Variants in GFOD1 observed in about 807,000 individuals in gnomAD.
GFOD1 encodes Gfo/Idh/MocA-like oxidoreductase domain containing 1, also known as glucose-fructose oxidoreductase domain-containing protein 1.
Under a neutral mutation model 25.4 loss-of-function variants are expected in GFOD1, and 9 were observed. That is an observed-to-expected ratio of 0.35 (90% confidence interval 0.21 to 0.62). GFOD1 has a LOEUF of 0.62. Among genes scored for constraint, GFOD1 ranks in the 20% least tolerant of loss-of-function variants. GFOD1 has a pLI of 0.72. For synonymous variants in GFOD1, 253 were observed against 245.6 expected (o/e 1.03, Z -0.28); for missense variants, 403 against 556.9 (o/e 0.72, Z 2.78).
chr6:13,386,691 C>T (rs1785482855), intron 1 of GFOD1, among the ~76,000 whole-genome samples: 1 of 152,144 alleles, frequency 6.6e-6, no homozygotes. Context: ...GAATAATCAG[C>T]ATATATGGGC....
intron 1 of GFOD1, among the ~76,000 whole-genome samples, chr6:13,372,344 A>G (rs2127556123): frequency 6.6e-6 from 1 of 152,244 alleles, no homozygotes; most frequent in South Asian, 2.1e-4. Flanking sequence ...CTCCCTCCGA[A>G]GCCTGCTGAA....
chr6:13,418,634 A>G (rs1053074215), intron 1 of GFOD1, among the ~76,000 whole-genome samples: 4 of 152,200 alleles, frequency 2.6e-5, no homozygotes, highest in Non-Finnish European at 5.9e-5. Context: ...TATTGGTGTC[A>G]TCTGTCACCT....
At chr6:13,481,039 T>G (rs1158334993) in intron 1 of GFOD1, among the ~76,000 whole-genome samples, 1 of 152,154 alleles carries the variant, frequency 6.6e-6, no homozygotes, top group Non-Finnish European at 1.5e-5. Context: ...AAGGGTACCC[T>G]GGTGAACCAA....
At chr6:13,451,145 C>A (rs1758090011) in intron 1 of GFOD1, among the ~76,000 whole-genome samples, 1 of 152,216 alleles carries the variant, frequency 6.6e-6, no homozygotes, top group Non-Finnish European at 1.5e-5. Context: ...AGCCACAGGG[C>A]CCTGAAAGAA....
intron 1 of GFOD1, among the ~76,000 whole-genome samples, chr6:13,448,233 TG>T (rs1405754720): frequency 6.6e-6 from 1 of 152,220 alleles, no homozygotes; most frequent in Non-Finnish European, 1.5e-5. Flanking sequence ...CACCTGACTC[TG>T]GGGACAATCA....
At chr6:13,441,635 T>C (rs780042848) in intron 1 of GFOD1, among the ~76,000 whole-genome samples, 1 of 152,212 alleles carries the variant, frequency 6.6e-6, no homozygotes, top group Non-Finnish European at 1.5e-5. Flanking sequence ...ATTGAGTATA[T>C]TGTATTGGTA....
At chr6:13,391,166 C>T (rs1198535126) in intron 1 of GFOD1, among the ~76,000 whole-genome samples, 3 of 152,074 alleles carry the variant, frequency 2.0e-5, no homozygotes, top group Non-Finnish European at 4.4e-5. Context: ...GGTGAACATT[C>T]GATTTTTTTG....
chr6:13,435,880 G>A (rs1757825298), intron 1 of GFOD1, among the ~76,000 whole-genome samples: 1 of 152,234 alleles, frequency 6.6e-6, no homozygotes, highest in Admixed American at 6.5e-5. Context: ...GGGGTTAGGA[G>A]TGATGGTCAA....
chr6:13,431,788 A>T (rs1015888507), intron 1 of GFOD1, among the ~76,000 whole-genome samples: 2 of 152,222 alleles, frequency 1.3e-5, no homozygotes, highest in African/African-American at 4.8e-5. Flanking sequence ...CCAAGTATGA[A>T]ATGTCACCAG....
In GFOD1 at chr6:13,447,740, C is replaced by CAAAAAAAA. The variant is rs34431944; in HGVS notation, c.253+38890_253+38897dup. Reference sequence around the variant, plus strand: ...TGGGTGACAGAGCGAGACTCCTTCTCAAAAAAAAAAAAAAAAAAAAAAAAA... The same window carrying CAAAAAAAA: ...TGGGTGACAGAGCGAGACTCCTTCTCAAAAAAAAAAAAAAAAAAAAAAAAAAAAAAAAA... On this transcript the variant is annotated intron_variant, in intron 1 of 1. Transcript: ENST00000379287. Among the ~76,000 whole-genome samples the CAAAAAAAA allele has an allele frequency of 1.9e-4, 6 of 31,918 alleles. 1 individual carries two copies. The highest frequency in any genetic ancestry group is 2.1e-4 in the Non-Finnish European group (4 of 18,766). 20.9% of individuals were successfully genotyped at this position (31,918 alleles called of 152,430 possible). A position where few individuals can be genotyped will look rare whatever the true frequency, so the allele number is the denominator to read the frequency against.
At chr6:13,418,553 G>T (rs918273657) in intron 1 of GFOD1, among the ~76,000 whole-genome samples, 5 of 152,194 alleles carry the variant, frequency 3.3e-5, no homozygotes, top group African/African-American at 1.2e-4. Flanking sequence ...AGGCCTAAAA[G>T]GTGACACATG....
At chr6:13,368,124 A>G (rs768887467) in intron 1 of GFOD1, among the ~76,000 whole-genome samples, 1 of 152,252 alleles carries the variant, frequency 6.6e-6, no homozygotes, top group Admixed American at 6.5e-5. Flanking sequence ...TCATTTTCCC[A>G]GTGGAAGAGC....
chr6:13,458,231 C>T (rs1363020155), intron 1 of GFOD1, among the ~76,000 whole-genome samples: 1 of 152,086 alleles, frequency 6.6e-6, no homozygotes, highest in Non-Finnish European at 1.5e-5. Context: ...GATTCTCCTG[C>T]CCCAGCCTCC....
At chr6:13,383,689 A>G (rs1042827862) in intron 1 of GFOD1, among the ~76,000 whole-genome samples, 3 of 152,246 alleles carry the variant, frequency 2.0e-5, no homozygotes, top group Non-Finnish European at 4.4e-5. Flanking sequence ...TAAGCAAATC[A>G]AAACCCAACC....
At chr6:13,367,773 A>C (rs1282805286) in intron 1 of GFOD1, among the ~76,000 whole-genome samples, 2 of 152,072 alleles carry the variant, frequency 1.3e-5, no homozygotes, top group East Asian at 3.9e-4. Context: ...AAAAAAAAAA[A>C]AAGAATGACA....
intron 1 of GFOD1, among the ~76,000 whole-genome samples, chr6:13,448,300 C>T (rs1758040393): frequency 6.6e-6 from 1 of 152,128 alleles, no homozygotes; most frequent in Non-Finnish European, 1.5e-5. Context: ...TTGTAAGTGC[C>T]CATCAGTCAT....
At position 13,409,163 on chromosome 6, in the gene GFOD1, A is replaced by AAAGAAAGAAAGG. The variant is rs1562209486; in HGVS notation, c.254-43502_254-43501insCCTTTCTTTCTT. ...AAAGAAAGAAAGAGAGGAAAGAAAG[A>AAAGAAAGAAAGG]AAGGAAAGAGAGAGAGAGAGAGAAA... On this transcript the variant is annotated intron_variant, in intron 1 of 1. Coordinates refer to ENST00000379287, the MANE Select transcript of GFOD1 (RefSeq NM_018988.4). Among the ~76,000 whole-genome samples, 13 of 61,400 alleles carry AAAGAAAGAAAGG rather than the reference A, an allele frequency of 2.1e-4. 1 individual carries two copies. Among genetic ancestry groups the AAAGAAAGAAAGG allele is most frequent in the African/African-American group, 1.0e-3 (11 of 11,042 alleles). 40.3% of individuals were successfully genotyped at this position (61,400 alleles called of 152,430 possible). A position where few individuals can be genotyped will look rare whatever the true frequency, so the allele number is the denominator to read the frequency against.
At chr6:13,471,019 C>T (rs907492111) in intron 1 of GFOD1, among the ~76,000 whole-genome samples, 2 of 152,142 alleles carry the variant, frequency 1.3e-5, no homozygotes, top group African/African-American at 4.8e-5. Flanking sequence ...AGGTTTCATG[C>T]TTCAGTATTT....
intron 1 of GFOD1, among the ~76,000 whole-genome samples, chr6:13,478,373 C>T (rs563256675): frequency 6.6e-6 from 1 of 152,314 alleles, no homozygotes; most frequent in Non-Finnish European, 1.5e-5. Flanking sequence ...CTCCTGACCT[C>T]AGGTGATCCA....
Sources: allele counts gnomAD v4.1 joint callset (sites outside exome capture counted in the v4.1 genomes callset), GRCh38; gene constraint gnomAD v4.1.1; transcripts MANE v1.5; gene names NCBI Gene and HGNC (gene_info 2026-07-23, HGNC 2026-07-21).